BCL2: variants seen among roughly 807,000 people sequenced by gnomAD.
BCL2 encodes BCL2 apoptosis regulator.
In BCL2, 1 loss-of-function variant was observed where a neutral mutation model predicts 14.2. That is an observed-to-expected ratio of 0.07 (90% confidence interval 0.02 to 0.33). BCL2 has a LOEUF of 0.33. Ranked by LOEUF, BCL2 falls within the 10% of genes least tolerant of loss-of-function variation. The pLI is 0.99. For synonymous variants in BCL2, 151 were observed against 137.2 expected, an observed-to-expected ratio of 1.10 and a Z score of -0.70; for missense variants, 247 against 305.9, an observed-to-expected ratio of 0.81 and a Z score of 1.44.
At chr18:63,281,508 A>T (rs965056848) in intron 2 of BCL2, among the ~76,000 whole-genome samples, 1 of 151,900 alleles carries the variant, frequency 6.6e-6, no homozygotes, top group Non-Finnish European at 1.5e-5. Context: ...TCTACAAAAA[A>T]ATACAAAAAT....
At chr18:63,301,175 T>C (rs1207755572) in intron 2 of BCL2, among the ~76,000 whole-genome samples, 1 of 152,152 alleles carries the variant, frequency 6.6e-6, no homozygotes, top group East Asian at 1.9e-4. Context: ...AAGAGTCAAA[T>C]TTATAGAGAC....
chr18:63,281,538 G>T (rs372525976), intron 2 of BCL2, among the ~76,000 whole-genome samples: 12 of 151,906 alleles, frequency 7.9e-5, no homozygotes, highest in East Asian at 5.8e-4. Context: ...ATGGTGGCAC[G>T]TGCCTGTAGT....
intron 2 of BCL2, among the ~76,000 whole-genome samples, chr18:63,312,602 C>A (rs2144309305): frequency 6.6e-6 from 1 of 152,354 alleles, no homozygotes; most frequent in East Asian, 1.9e-4. Context: ...CTGTGAATTT[C>A]TGTAACTAGC....
intron 2 of BCL2, among the ~76,000 whole-genome samples, chr18:63,256,253 G>C (rs1203787510): frequency 6.6e-6 from 1 of 152,186 alleles, no homozygotes; most frequent in Non-Finnish European, 1.5e-5. Context: ...GTCTCGCTCT[G>C]TCACCCAGGC....
chr18:63,278,621 A>G (rs1912224261), intron 2 of BCL2, among the ~76,000 whole-genome samples: 1 of 152,030 alleles, frequency 6.6e-6, no homozygotes, highest in African/African-American at 2.4e-5. Flanking sequence ...TTGACTATAA[A>G]TCCCCTCTTG....
At chr18:63,147,846 G>T (rs988979400) in intron 2 of BCL2, among the ~76,000 whole-genome samples, 1 of 151,900 alleles carries the variant, frequency 6.6e-6, no homozygotes, top group Admixed American at 6.6e-5. Flanking sequence ...CCTATTCCTC[G>T]GGCAATGGAA....
intron 2 of BCL2, among the ~76,000 whole-genome samples, chr18:63,300,150 G>C (rs868362346): frequency 2.6e-5 from 4 of 152,174 alleles, no homozygotes; most frequent in Non-Finnish European, 5.9e-5. Context: ...TTCTAAATAT[G>C]TGTACAACTT....
intron 2 of BCL2, among the ~76,000 whole-genome samples, chr18:63,193,210 G>A (rs1909335503): frequency 6.6e-6 from 1 of 152,080 alleles, no homozygotes; most frequent in Non-Finnish European, 1.5e-5. Context: ...TCAGAAATGA[G>A]GATCAATCTA....
At chr18:63,292,906 G>A (rs1455534096) in intron 2 of BCL2, among the ~76,000 whole-genome samples, 1 of 152,250 alleles carries the variant, frequency 6.6e-6, no homozygotes, top group African/African-American at 2.4e-5. Context: ...TGTGGTCTGG[G>A]CACCCTTCCT....
Position 63,270,318 on chromosome 18 carries a change from C to T in BCL2, c.585+47764G>A, listed in dbSNP as rs115455831. On this transcript the variant is annotated intron_variant, in intron 2 of 2. Transcript: ENST00000333681. ...GAATCACTGTTCATCCTGGGAAAAA[C>T]TGGAAACAGCCCAAATGTCTATCAG... 4.0e-3 allele frequency among the ~76,000 whole-genome samples: 607 copies of T among 152,232 alleles called. 2 individuals carry two copies. The highest frequency in any genetic ancestry group is 0.014 in the African/African-American group (573 of 41,532).
intron 2 of BCL2, among the ~76,000 whole-genome samples, chr18:63,177,009 T>G (rs1915366669): frequency 6.6e-6 from 1 of 151,704 alleles, no homozygotes. Context: ...CTCGACTTCC[T>G]GGGCTCAGGT....
chr18:63,126,904 G>A lies in BCL2; in HGVS notation c.*1721C>T, dbSNP rs1913924364. The A allele has an allele frequency of 8.8e-6, 2 of 226,692 alleles. No individual in the cohort carries two copies. The highest frequency in any genetic ancestry group is 1.1e-4 in the Admixed American group (2 of 17,536). 14.0% of individuals were successfully genotyped at this position (226,692 alleles called of 1,614,324 possible). On this transcript the variant is annotated 3_prime_UTR_variant, in exon 3 of 3. Transcript: ENST00000333681. Reference sequence around the variant, plus strand: ...TTAATACAGATAAATGGTATATAATGCAATAATGCCACAGAGTTATTCCAT... The same window carrying A: ...TTAATACAGATAAATGGTATATAATACAATAATGCCACAGAGTTATTCCAT...
chr18:63,284,588 GCAGCTCC>G (rs1304993387), intron 2 of BCL2, among the ~76,000 whole-genome samples: 1 of 152,200 alleles, frequency 6.6e-6, no homozygotes, highest in Non-Finnish European at 1.5e-5. Flanking sequence ...CAATGCTTAA[GCAGCTCC>G]CAGCACTCGA....
At position 63,130,821 on chromosome 18, in the gene BCL2, T is replaced by C. The variant is rs113189703; in HGVS notation, c.586-2062A>G. Among the ~76,000 whole-genome samples the C allele has an allele frequency of 3.4e-3, 523 of 152,312 alleles. 3 individuals are homozygous for C. The highest frequency in any genetic ancestry group is 6.0e-3 in the Non-Finnish European group (409 of 68,032). Reference sequence around the variant, plus strand: ...AACAAACTCCTAGAAGTGACCTCAGTTAACCAGTCATCAATATTGCTTCCA... The same window carrying C: ...AACAAACTCCTAGAAGTGACCTCAGCTAACCAGTCATCAATATTGCTTCCA... On this transcript the variant is annotated intron_variant, in intron 2 of 2. Coordinates refer to ENST00000333681, the MANE Select transcript of BCL2 (RefSeq NM_000633.3).
intron 2 of BCL2, among the ~76,000 whole-genome samples, chr18:63,129,515 G>C (rs1200205194): frequency 6.6e-6 from 1 of 152,188 alleles, no homozygotes; most frequent in Admixed American, 6.5e-5. Flanking sequence ...CTGGGCTCAA[G>C]TGAGTCTCCT....
In BCL2 at chr18:63,126,318, C is replaced by T. The variant is rs952014149; in HGVS notation, c.*2307G>A. 6 of 220,204 alleles carry T rather than the reference C, an allele frequency of 2.7e-5. No individual in the cohort carries two copies. The highest frequency in any genetic ancestry group is 6.7e-5 in the African/African-American group (3 of 44,498). 13.6% of individuals were successfully genotyped at this position (220,204 alleles called of 1,614,324 possible). ...AAGGACAGCCATGAGAAAGCCCCCG[C>T]GGAAGGAGGGCAGGAGGGCTCTGGG... On this transcript the variant is annotated 3_prime_UTR_variant, in exon 3 of 3. Coordinates refer to ENST00000333681, the MANE Select transcript of BCL2 (RefSeq NM_000633.3).
chr18:63,167,912 T>G, intron 2 of BCL2, among the ~76,000 whole-genome samples: 1 of 145,384 alleles, frequency 6.9e-6, no homozygotes, highest in African/African-American at 2.5e-5. Context: ...GGTGACAGAG[T>G]GAGACTCCGT....
chr18:63,204,991 G>A (rs528679049), intron 2 of BCL2, among the ~76,000 whole-genome samples: 26 of 152,306 alleles, frequency 1.7e-4, no homozygotes, highest in African/African-American at 4.1e-4. Context: ...ATGGAAGAGC[G>A]AGTAGTGAAT....
At chr18:63,247,997 C>T (rs1371374743) in intron 2 of BCL2, among the ~76,000 whole-genome samples, 2 of 152,168 alleles carry the variant, frequency 1.3e-5, no homozygotes, top group Non-Finnish European at 2.9e-5. Flanking sequence ...GACCCCATAA[C>T]TTTAAAAGCA....
Sources: allele counts gnomAD v4.1 joint callset (sites outside exome capture counted in the v4.1 genomes callset), GRCh38; gene constraint gnomAD v4.1.1; transcripts MANE v1.5; gene names NCBI Gene and HGNC (gene_info 2026-07-23, HGNC 2026-07-21).